SPRY3: variants seen among roughly 807,000 people sequenced by gnomAD.
The protein encoded by SPRY3 is sprouty RTK signaling antagonist 3, also known as protein sprouty homolog 3.
Under a neutral mutation model 20.2 loss-of-function variants are expected in SPRY3, and 15 were observed. The ratio of observed to expected loss-of-function variants is 0.74; its 90% confidence interval spans 0.50 to 1.14. The LOEUF (loss-of-function observed/expected upper bound fraction) is 1.14, where lower values mean the gene tolerates loss of function less well. Among genes scored for constraint, SPRY3 ranks in the 50% most tolerant of loss-of-function variants. The probability of loss-of-function intolerance (pLI) is 0.00; values close to 1 mark genes in which losing one functional copy is unlikely to be tolerated. For missense variants in SPRY3, 364 were observed against 363.9 expected, an observed-to-expected ratio of 1.00 and a Z score of 0.00; for synonymous variants, 143 against 136.5, an observed-to-expected ratio of 1.05 and a Z score of -0.33.
chrX:155,727,130 C>T (rs1194966486), intron 2 of SPRY3, among the ~76,000 whole-genome samples: 3 of 152,024 alleles, frequency 2.0e-5, no homozygotes, highest in Non-Finnish European at 4.4e-5. Flanking sequence ...GAATACTGGC[C>T]CCTACTCCCT....
At chrX:155,777,816 T>G (rs2091438859), downstream of SPRY3, 1 of 166,396 alleles carries the variant, frequency 6.0e-6, no homozygotes, top group Non-Finnish European at 1.5e-5. Flanking sequence ...TTTTTGCAGT[T>G]AAATCATCTG....
chrX:155,711,909 T>C (rs2090989820), intron 2 of SPRY3, among the ~76,000 whole-genome samples: 1 of 151,652 alleles, frequency 6.6e-6, no homozygotes, highest in Non-Finnish European at 1.5e-5. Flanking sequence ...GTTTCCATTA[T>C]CATTTCTTTC....
intron 2 of SPRY3, among the ~76,000 whole-genome samples, chrX:155,747,130 A>T (rs2091231236): frequency 6.6e-6 from 1 of 151,918 alleles, no homozygotes; most frequent in Admixed American, 6.6e-5. Context: ...ATTCAAAATT[A>T]ATTTTCCTTC....
chrX:155,751,956 AATAAAATAAAATAAAATAAAATAAAAT>A (rs1056620753), intron 2 of SPRY3, among the ~76,000 whole-genome samples: 1 of 148,318 alleles, frequency 6.7e-6, no homozygotes, highest in African/African-American at 2.5e-5. Context: ...AATAAAATAA[AATAAAATAAAATAAAATAAAATAAAAT>A]AAAGGAAAGG....
intron 2 of SPRY3, among the ~76,000 whole-genome samples, chrX:155,727,626 C>T (rs767911240): frequency 5.3e-5 from 8 of 152,096 alleles, no homozygotes; most frequent in Admixed American, 2.0e-4. Flanking sequence ...ACGAAGTTCT[C>T]GTGCCATGGT....
intron 2 of SPRY3, among the ~76,000 whole-genome samples, chrX:155,726,750 C>CT (rs1408236852): frequency 6.6e-6 from 1 of 152,132 alleles, no homozygotes; most frequent in African/African-American, 2.4e-5. Flanking sequence ...ATACAGCACA[C>CT]TGATGGGTCT....
chrX:155,629,459 A>G (rs906286552), intron 1 of SPRY3, among the ~76,000 whole-genome samples: 15 of 111,285 alleles, frequency 1.3e-4, no homozygotes, highest in Non-Finnish European at 2.8e-4. Context: ...TAGTGCTGCA[A>G]TAAACATACG....
rs1440770719 is a variant in SPRY3, at chrX:155,651,536, A to G, written c.-440-5331A>G. Among the ~76,000 whole-genome samples, 4 of 111,604 alleles carry G rather than the reference A, an allele frequency of 3.6e-5. No individual in the cohort carries two copies. In the Admixed American group the frequency reaches 3.8e-4, roughly 11 times the overall value. On this transcript the variant is annotated intron_variant, in intron 1 of 3. Transcript: ENST00000675360. ...CTTTTGTCCATTTCCTAATTATTGA[A>G]TTTTGAATTTTAAAAATATGTTCTA...
intron 2 of SPRY3, among the ~76,000 whole-genome samples, chrX:155,724,165 C>T (rs2091082108): frequency 6.6e-6 from 1 of 152,090 alleles, no homozygotes. Context: ...GGTACCAGTA[C>T]CATGCTGTTT....
intron 2 of SPRY3, among the ~76,000 whole-genome samples, chrX:155,662,726 A>G (rs781968984): frequency 1.1e-3 from 116 of 107,354 alleles, no homozygotes; most frequent in Middle Eastern, 4.7e-3. Context: ...CAGAATAGTT[A>G]TGCATTCAAA....
At chrX:155,712,433 T>C (rs1274909856) in intron 2 of SPRY3, among the ~76,000 whole-genome samples, 2 of 152,022 alleles carry the variant, frequency 1.3e-5, no homozygotes, top group South Asian at 2.1e-4. Flanking sequence ...ATAATCATTA[T>C]ATGATGACCT....
intron 2 of SPRY3, among the ~76,000 whole-genome samples, chrX:155,678,651 T>A (rs1393371306): frequency 9.0e-6 from 1 of 111,618 alleles, no homozygotes; most frequent in Non-Finnish European, 1.9e-5. Flanking sequence ...ATGGCATTTT[T>A]AAATACTTGG....
At chrX:155,704,251 G>C (rs1417699359) in intron 2 of SPRY3, among the ~76,000 whole-genome samples, 1 of 151,772 alleles carries the variant, frequency 6.6e-6, no homozygotes, top group African/African-American at 2.4e-5. Context: ...TTAGTTAAAT[G>C]TTCCACCAGA....
At chrX:155,696,252 T>C (rs1261763141) in intron 2 of SPRY3, among the ~76,000 whole-genome samples, 16 of 108,978 alleles carry the variant, frequency 1.5e-4, no homozygotes, top group Non-Finnish European at 1.9e-5. Context: ...TATACATATA[T>C]ATACAGAGAG....
At chrX:155,767,653 CAGG>C (rs967375704) in intron 2 of SPRY3, among the ~76,000 whole-genome samples, 12 of 120,582 alleles carry the variant, frequency 1.0e-4, no homozygotes, top group African/African-American at 1.9e-4. Context: ...GGAAGAGAAA[CAGG>C]AGGAGGAGGA....
At chrX:155,710,510 T>C (rs1167174437) in intron 2 of SPRY3, among the ~76,000 whole-genome samples, 1 of 151,814 alleles carries the variant, frequency 6.6e-6, no homozygotes, top group Non-Finnish European at 1.5e-5. Context: ...ATGTTGATTT[T>C]GTATCCTGCA....
At chrX:155,711,858 A>G (rs306944) in intron 2 of SPRY3, among the ~76,000 whole-genome samples, 37,834 of 150,854 alleles carry the variant, frequency 0.25, 4,959 homozygotes, top group African/African-American at 0.4. Context: ...ATTTTTCTCT[A>G]GTACTGCTTT....
intron 2 of SPRY3, among the ~76,000 whole-genome samples, chrX:155,720,967 G>A (rs1170338731): frequency 6.6e-6 from 1 of 152,146 alleles, no homozygotes; most frequent in African/African-American, 2.4e-5. Context: ...CAATCCTGGA[G>A]AAACAGAGAT....
intron 1 of SPRY3, among the ~76,000 whole-genome samples, chrX:155,651,772 G>A (rs1303861016): frequency 9.0e-6 from 1 of 111,728 alleles, no homozygotes; most frequent in Non-Finnish European, 1.9e-5. Context: ...TTCAATATAG[G>A]CATGCAATGC....
Sources: allele counts gnomAD v4.1 joint callset (sites outside exome capture counted in the v4.1 genomes callset), GRCh38; gene constraint gnomAD v4.1.1; transcripts MANE v1.5; gene names NCBI Gene and HGNC (gene_info 2026-07-23, HGNC 2026-07-21).